Variants in TMEM61 observed in about 807,000 individuals in gnomAD.
TMEM61 encodes the protein transmembrane protein 61.
Under a neutral mutation model 12.0 loss-of-function variants are expected in TMEM61, and 13 were observed. The observed-to-expected ratio is 1.08, with a 90% CI of 0.70 to 1.72. The LOEUF (loss-of-function observed/expected upper bound fraction) is 1.72, where lower values mean the gene tolerates loss of function less well. Ranked by LOEUF, TMEM61 falls within the 40% of genes most tolerant of loss-of-function variation. TMEM61 has a pLI of 0.00. For missense variants in TMEM61, 249 were observed against 276.9 expected (o/e 0.90, Z 0.71); for synonymous variants, 109 against 121.4 (o/e 0.90, Z 0.67).
chr1:54,981,595 G>A (rs1644222997), intron 1 of TMEM61, among the ~76,000 whole-genome samples: 1 of 152,190 alleles, frequency 6.6e-6, no homozygotes, highest in Non-Finnish European at 1.5e-5. Context: ...TCCAGCCTGG[G>A]CAACAGAGCA....
intron 1 of TMEM61, among the ~76,000 whole-genome samples, chr1:54,982,297 C>T (rs1282737934): frequency 2.0e-5 from 3 of 152,110 alleles, no homozygotes; most frequent in Non-Finnish European, 4.4e-5. Context: ...AATGAGAGTC[C>T]TGGATGTAAG....
chr1:54,982,925 C>G (rs1644232783), intron 1 of TMEM61, among the ~76,000 whole-genome samples: 1 of 152,054 alleles, frequency 6.6e-6, no homozygotes, highest in Non-Finnish European at 1.5e-5. Flanking sequence ...AGTGAGGGGA[C>G]ACCTGTAAAG....
In TMEM61 at chr1:54,980,946, T is replaced by C. The variant is rs897187012; in HGVS notation, c.-120T>C. The C allele has an allele frequency of 6.2e-6, 7 of 1,120,700 alleles. No individual in the cohort carries two copies. Among genetic ancestry groups the C allele is most frequent in the Non-Finnish European group, 8.5e-6 (7 of 824,278 alleles). 69.4% of individuals were successfully genotyped at this position (1,120,700 alleles called of 1,614,324 possible). On this transcript the variant is annotated 5_prime_UTR_variant, in exon 1 of 3. Transcript: ENST00000371268. ...CCCCTCCGCCCCTAACACCCGCGCC[T>C]CCTGCAGACCCGAGGGTCGCCGCTG...
intron 2 of TMEM61, among the ~76,000 whole-genome samples, chr1:54,989,773 C>T (rs1479675315): frequency 6.6e-6 from 1 of 152,204 alleles, no homozygotes; most frequent in African/African-American, 2.4e-5. Flanking sequence ...GCACCTGTGC[C>T]CTGCCCTGCC....
Position 54,992,011 on chromosome 1 carries a change from A to G in TMEM61, c.541A>G (p.Ser181Gly). ...AWPPPSYESISLALDAVSAET... is the reference protein window; with the variant it reads ...AWPPPSYESIGLALDAVSAET... The stretch of plus-strand genomic sequence containing the variant: ...GCCTCCACCCAGCTATGAGAGCATC[A>G]GCCTTGCTCTTGATGCCGTTTCTGC... Residue 181 changes from serine (S) to glycine (G), a missense_variant, in exon 3 of 3, where the codon AGC (serine) becomes GGC (glycine). Transcript: ENST00000371268. 6.2e-7 allele frequency: 1 copy of G among 1,614,136 alleles called. No individual in the cohort carries two copies. Among genetic ancestry groups the G allele is most frequent in the Non-Finnish European group, 8.5e-7 (1 of 1,180,030 alleles).
chr1:54,984,857 G>A lies in TMEM61; in HGVS notation c.16-1240G>A, dbSNP rs72907628. Among the ~76,000 whole-genome samples, 243 of 152,288 alleles carry A rather than the reference G, an allele frequency of 1.6e-3. 1 individual carries two copies. The highest frequency in any genetic ancestry group is 5.7e-3 in the African/African-American group (235 of 41,560). ...AAGTTACAGGTACAGGGACTGGAAG[G>A]TACAATGGACAGCCTAGAAATTGGC... On this transcript the variant is annotated intron_variant, in intron 1 of 2. Coordinates refer to ENST00000371268, the MANE Select transcript of TMEM61 (RefSeq NM_182532.3).
chr1:54,987,712 G>A (rs1406295230), intron 2 of TMEM61, among the ~76,000 whole-genome samples: 1 of 152,176 alleles, frequency 6.6e-6, no homozygotes, highest in Non-Finnish European at 1.5e-5. Context: ...CTGCAGAAAA[G>A]GAAGGAGAGG....
intron 2 of TMEM61, among the ~76,000 whole-genome samples, chr1:54,990,340 C>T (rs1197613273): frequency 2.0e-5 from 3 of 152,136 alleles, no homozygotes; most frequent in Non-Finnish European, 4.4e-5. Context: ...GCTCCGTCAC[C>T]CTGGTCTGTG....
chr1:54,983,892 G>A (rs949812125), intron 1 of TMEM61, among the ~76,000 whole-genome samples: 4 of 151,716 alleles, frequency 2.6e-5, no homozygotes, highest in African/African-American at 7.3e-5. Flanking sequence ...CTGGAGACAG[G>A]AGGCACTTGC....
Position 54,991,817 on chromosome 1 carries a change from C to G in TMEM61, c.366-19C>G. On this transcript the variant is annotated intron_variant, in intron 2 of 2. Transcript: ENST00000371268. ...GTCTGCCCCAGCCCCTGCTAACAGCCTCTCTTCTGTTCCTGCAGGACCCCC... is the reference window on the plus strand; with the variant it reads ...GTCTGCCCCAGCCCCTGCTAACAGCGTCTCTTCTGTTCCTGCAGGACCCCC... 1 of 1,611,560 alleles carries G rather than the reference C, an allele frequency of 6.2e-7. No individual in the cohort carries two copies. Among genetic ancestry groups the G allele is most frequent in the Non-Finnish European group, 8.5e-7 (1 of 1,178,580 alleles).
chr1:54,985,676 G>A (rs1040960099), intron 1 of TMEM61, among the ~76,000 whole-genome samples: 1 of 152,148 alleles, frequency 6.6e-6, no homozygotes, highest in African/African-American at 2.4e-5. Flanking sequence ...ACAAGATTAT[G>A]ACCAGGTGAA....
At chr1:54,982,319 C>G (rs997458112) in intron 1 of TMEM61, among the ~76,000 whole-genome samples, 1 of 152,080 alleles carries the variant, frequency 6.6e-6, no homozygotes, top group Non-Finnish European at 1.5e-5. Context: ...AGAGGGCGCT[C>G]CAGGTGGAAG....
At chr1:54,982,741 C>T (rs1025239) in intron 1 of TMEM61, among the ~76,000 whole-genome samples, 144,997 of 152,294 alleles carry the variant, frequency 0.95, 69,140 homozygotes, top group Non-Finnish European at 0.98. Context: ...TTAAAAAATA[C>T]TGATAGACCT....
At chr1:54,982,066 C>T (rs1243552789) in intron 1 of TMEM61, among the ~76,000 whole-genome samples, 1 of 152,196 alleles carries the variant, frequency 6.6e-6, no homozygotes, top group Non-Finnish European at 1.5e-5. Flanking sequence ...CCCTGTGCCT[C>T]ACTTACAGCC....
chr1:54,981,958 G>A (rs76781246), intron 1 of TMEM61, among the ~76,000 whole-genome samples: 1,212 of 119,428 alleles, frequency 0.01, 23 homozygotes, highest in African/African-American at 0.031. Context: ...GAAGCAATAT[G>A]GTATTATTGT....
intron 1 of TMEM61, among the ~76,000 whole-genome samples, chr1:54,983,105 C>CT (rs1644233851): frequency 3.4e-5 from 2 of 59,364 alleles, no homozygotes; most frequent in African/African-American, 9.2e-5. Context: ...TTGTGTTTTG[C>CT]TTTGTTTTTT....
intron 1 of TMEM61, 141 bp from the exon 2 acceptor site, chr1:54,985,954 TCA>T: frequency 1.4e-6 from 1 of 691,840 alleles, no homozygotes; most frequent in Non-Finnish European, 2.3e-6. Flanking sequence ...CATCTCCACT[TCA>T]CAGATGAGGA....
In TMEM61 at chr1:54,980,783, C is replaced by G. The variant is rs1440875311; in HGVS notation, c.-283C>G. ...GAGCGCGCAGCCCTCGGGGCGGGCGCCGGGGTGAGGCCTGGCTCGGTCCCT... is the reference window on the plus strand; with the variant it reads ...GAGCGCGCAGCCCTCGGGGCGGGCGGCGGGGTGAGGCCTGGCTCGGTCCCT... On this transcript the variant is annotated 5_prime_UTR_variant, in exon 1 of 3. Coordinates refer to ENST00000371268, the MANE Select transcript of TMEM61 (RefSeq NM_182532.3). The G allele has an allele frequency of 2.9e-6, 1 of 350,174 alleles. No individual in the cohort carries two copies. Among genetic ancestry groups the G allele is most frequent in the Admixed American group, 4.8e-5 (1 of 21,038 alleles). The allele number at this position is 350,174 out of a possible 1,614,324, so 21.7% of individuals were successfully genotyped here.
Position 54,984,436 on chromosome 1 carries a change from AG to A in TMEM61, c.16-1655del, listed in dbSNP as rs1407723333. 2.3e-4 allele frequency among the ~76,000 whole-genome samples: 35 copies of A among 152,248 alleles called. No homozygotes were observed. The East Asian group carries it at 4.6e-3, about 20-fold the overall frequency. ...GGCTTATCCCATGATACAGCTGTAG[AG>A]GGGGGACCAAAGCCGGGACTGTCCT... is the stretch of plus-strand genomic sequence containing the variant. On this transcript the variant is annotated intron_variant, in intron 1 of 2. Transcript: ENST00000371268.
Sources: allele counts gnomAD v4.1 joint callset (sites outside exome capture counted in the v4.1 genomes callset), GRCh38; gene constraint gnomAD v4.1.1; transcripts MANE v1.5; gene names NCBI Gene and HGNC (gene_info 2026-07-23, HGNC 2026-07-21).